The following SNX33 variants were observed in gnomAD, a reference collection of about 807,000 sequenced individuals.
SNX33 encodes the protein sorting nexin 33.
SNX33 carries 19 observed loss-of-function variants against 38.8 expected under a neutral mutation model. The ratio of observed to expected loss-of-function variants is 0.49; its 90% CI spans 0.34 to 0.72. SNX33 has a LOEUF of 0.72. SNX33 is among the 30% of genes least tolerant of loss of function. SNX33 has a pLI of 0.01. For missense variants in SNX33, 641 were observed against 776.4 expected, an observed-to-expected ratio of 0.83 and a Z score of 2.07; for synonymous variants, 246 against 289.7, an observed-to-expected ratio of 0.85 and a Z score of 1.53.
Position 75,649,493 on chromosome 15 carries a change from C to T in SNX33, c.391C>T (p.Arg131Trp), listed in dbSNP as rs779081434. 1.4e-5 allele frequency: 21 copies of T among 1,555,240 alleles called. No individual in the cohort carries two copies. Among genetic ancestry groups the T allele is most frequent in the African/African-American group, 2.7e-5 (2 of 73,568 alleles). The change falls in exon 1 of 2, where the codon CGG becomes TGG. Residue 131 changes from arginine to tryptophan, a missense_variant. Coordinates refer to ENST00000308527, the MANE Select transcript of SNX33 (RefSeq NM_153271.2). The surrounding 1 kb of genome is among the most constrained non-coding windows in gnomAD (Gnocchi z 6.6). ...CGGATGCACAGTGGTGGAGGAGCCA[C>T]GGGCTGGTGGGCTGGGCACCAACGG... ...DDGCTVVEEP[R>W]AGGLGTNGHP...
rs1893713573 is a variant in SNX33, at chr15:75,660,700, A to G, written c.*3485A>G. The G allele has an allele frequency of 6.6e-6, 1 of 152,574 alleles. No individual in the cohort carries two copies. The allele number at this position is 152,574 out of a possible 1,614,324, so 9.5% of individuals were successfully genotyped here. ...TGGTCATAGCCTCACACAGTGACAC[A>G]TACTCGGGCACACACCGCCACAAAG... On this transcript the variant is annotated 3_prime_UTR_variant, in exon 2 of 2. Coordinates refer to ENST00000308527, the MANE Select transcript of SNX33 (RefSeq NM_153271.2).
At position 75,649,905 on chromosome 15, in the gene SNX33, A is replaced by G. The variant is rs1893554587; in HGVS notation, c.803A>G (p.Lys268Arg). 1 of 1,571,540 alleles carries G rather than the reference A, an allele frequency of 6.4e-7. No homozygotes were observed. Among genetic ancestry groups the G allele is most frequent in the African/African-American group, 1.4e-5 (1 of 73,066 alleles). The change falls in exon 1 of 2, where the codon AAA (lysine) becomes AGA (arginine). Residue 268 changes from lysine to arginine, a missense_variant. Transcript: ENST00000308527. This position sits in a 1 kb window ranked among gnomAD's most constrained non-coding sequence, Gnocchi z 6.6. ...GCCTCACCCGTCTACCGGCGCTACA[A>G]ACACTTTGACTGGCTCTATAACCGC... ...HAASPVYRRY[K>R]HFDWLYNRLL...
intron 1 of SNX33, among the ~76,000 whole-genome samples, chr15:75,652,006 G>GTTTT (rs10706187): frequency 1.5e-3 from 204 of 132,848 alleles, no homozygotes; most frequent in African/African-American, 5.9e-3. Flanking sequence ...CTTTCTTTCT[G>GTTTT]TTTTTTTTTT....
rs201961630 is a variant in SNX33, at chr15:75,649,503, G to C, written c.401G>C (p.Gly134Ala). Residue 134 changes from glycine (G) to alanine (A), a missense_variant, in exon 1 of 2, where the codon GGG becomes GCG. By Grantham distance (60) the Gly-to-Ala change is moderately conservative (BLOSUM62 0). Coordinates refer to ENST00000308527, the MANE Select transcript of SNX33 (RefSeq NM_153271.2). The surrounding 1 kb of genome is among the most constrained non-coding windows in gnomAD (Gnocchi z 6.6). The part of the protein sequence containing the change: ...CTVVEEPRAG[G>A]LGTNGHPPLN... Reference sequence around the variant, plus strand: ...GTGGTGGAGGAGCCACGGGCTGGTGGGCTGGGCACCAACGGGCACCCTCCC... The same window carrying C: ...GTGGTGGAGGAGCCACGGGCTGGTGCGCTGGGCACCAACGGGCACCCTCCC... 1.6e-4 allele frequency: 256 copies of C among 1,564,722 alleles called. No individual in the cohort carries two copies. The Middle Eastern group carries it at 1.9e-3, about 12-fold the overall frequency.
chr15:75,648,458 C>G lies in SNX33; in HGVS notation c.-645C>G. 1 of 985,398 alleles carries G rather than the reference C, an allele frequency of 1.0e-6. No homozygotes were observed. The allele number at this position is 985,398 out of a possible 1,614,324, so 61.0% of individuals were successfully genotyped here. A position where few individuals can be genotyped will look rare whatever the true frequency, so the allele number is the denominator to read the frequency against. Reference sequence around the variant, plus strand: ...TTCCCGGCCTGGCTCGTTGTGAAGCCGGACACATCCACCCTTGGACTCGAT... The same window carrying G: ...TTCCCGGCCTGGCTCGTTGTGAAGCGGGACACATCCACCCTTGGACTCGAT... On this transcript the variant is annotated 5_prime_UTR_variant, in exon 1 of 2. Coordinates refer to ENST00000308527, the MANE Select transcript of SNX33 (RefSeq NM_153271.2). This position sits in a 1 kb window ranked among gnomAD's most constrained non-coding sequence, Gnocchi z 4.4.
intron 1 of SNX33, among the ~76,000 whole-genome samples, chr15:75,651,366 T>C (rs1893577891): frequency 6.6e-6 from 1 of 152,174 alleles, no homozygotes; most frequent in Non-Finnish European, 1.5e-5. Flanking sequence ...CCCTTCCTCC[T>C]GCCACCTCCC....
chr15:75,650,718 G>A lies in SNX33; in HGVS notation c.1471+145G>A. The A allele has an allele frequency of 8.5e-7, 1 of 1,176,058 alleles. No individual in the cohort carries two copies. Among genetic ancestry groups the A allele is most frequent in the Non-Finnish European group, 1.1e-6 (1 of 874,170 alleles). 72.9% of individuals were successfully genotyped at this position (1,176,058 alleles called of 1,614,324 possible). ...TCATTTAACAAATGTGTTGGGCTGG[G>A]CACGGTGGCTTACGCTTGTAATCTC... On this transcript the variant is annotated intron_variant, in intron 1 of 1. Coordinates refer to ENST00000308527, the MANE Select transcript of SNX33 (RefSeq NM_153271.2). This position sits in a 1 kb window ranked among gnomAD's most constrained non-coding sequence, Gnocchi z 6.1.
At chr15:75,652,508 G>C (rs1893598142) in intron 1 of SNX33, among the ~76,000 whole-genome samples, 1 of 152,188 alleles carries the variant, frequency 6.6e-6, no homozygotes, top group Non-Finnish European at 1.5e-5. Context: ...CCCACACCTA[G>C]GAAGGACACC....
chr15:75,656,361 A>G (rs1893652042), intron 1 of SNX33, among the ~76,000 whole-genome samples: 1 of 152,184 alleles, frequency 6.6e-6, no homozygotes, highest in South Asian at 2.1e-4. Context: ...TTTGACGAAC[A>G]TGGGGGTCAG....
intron 1 of SNX33, among the ~76,000 whole-genome samples, chr15:75,651,409 C>G (rs1313267458): frequency 6.6e-6 from 1 of 152,206 alleles, no homozygotes; most frequent in African/African-American, 2.4e-5. Context: ...ACTTCCCAAG[C>G]CTAGCCATGT....
In SNX33 at chr15:75,649,073, T is replaced by G; in HGVS notation, c.-30T>G. 6.5e-7 allele frequency: 1 copy of G among 1,550,332 alleles called. No individual in the cohort carries two copies. The highest frequency in any genetic ancestry group is 1.9e-5 in the Admixed American group (1 of 52,074). ...CCCGGTCTGGGCAGGACCCTCTCCT[T>G]CCCATCTTTCTATACCACCCAGCCC... On this transcript the variant is annotated 5_prime_UTR_variant, in exon 1 of 2. Transcript: ENST00000308527. This position sits in a 1 kb window ranked among gnomAD's most constrained non-coding sequence, Gnocchi z 6.6.
In SNX33 at chr15:75,650,550, C is replaced by T. The variant is rs1475545470; in HGVS notation, c.1448C>T (p.Pro483Leu). Reference sequence around the variant, plus strand: ...TACCAGGGCCTGCTCTCCAACTTCCCTGACATCATCCATCTACAAAAAGGT... The same window carrying T: ...TACCAGGGCCTGCTCTCCAACTTCCTTGACATCATCCATCTACAAAAAGGT... ...SLYQGLLSNF[P>L]DIIHLQKGAF... Residue 483 changes from proline (P) to leucine (L), a missense_variant, in exon 1 of 2, where the codon CCT becomes CTT. By Grantham distance (98) the Pro-to-Leu change is moderately conservative. Coordinates refer to ENST00000308527, the MANE Select transcript of SNX33 (RefSeq NM_153271.2). This position sits in a 1 kb window ranked among gnomAD's most constrained non-coding sequence, Gnocchi z 6.1. 6.2e-7 allele frequency: 1 copy of T among 1,601,206 alleles called. No homozygotes were observed. The highest frequency in any genetic ancestry group is 2.2e-5 in the East Asian group (1 of 44,798).
chr15:75,655,125 C>T (rs1485564390), intron 1 of SNX33, among the ~76,000 whole-genome samples: 1 of 152,388 alleles, frequency 6.6e-6, no homozygotes, highest in Non-Finnish European at 1.5e-5. Context: ...GGGCCCCACA[C>T]ATATGCCTGA....
chr15:75,657,460 C>T lies in SNX33; in HGVS notation c.*245C>T. On this transcript the variant is annotated 3_prime_UTR_variant, in exon 2 of 2. Transcript: ENST00000308527. The surrounding 1 kb of genome is among the most constrained non-coding windows in gnomAD (Gnocchi z 5.5). ...GAGTCAGGAGCCCTCGAGGCCAAGG[C>T]CTGGGCTGCCGGTCAGTCAGTGAAG... The T allele has an allele frequency of 3.2e-6, 2 of 624,156 alleles. No homozygotes were observed. The highest frequency in any genetic ancestry group is 5.4e-6 in the Non-Finnish European group (2 of 368,316). The allele number at this position is 624,156 out of a possible 1,614,324, so 38.7% of individuals were successfully genotyped here.
intron 1 of SNX33, among the ~76,000 whole-genome samples, chr15:75,654,689 G>A (rs1893631122): frequency 6.6e-6 from 1 of 152,202 alleles, no homozygotes. Context: ...CTGTGGGGTG[G>A]GGTGCATTAG....
At position 75,662,084 on chromosome 15, in the gene SNX33, G is replaced by A. The variant is rs570635711; in HGVS notation, c.*4869G>A. 5 of 152,268 alleles carry A rather than the reference G, an allele frequency of 3.3e-5. No individual in the cohort carries two copies. Among genetic ancestry groups the A allele is most frequent in the African/African-American group, 9.6e-5 (4 of 41,522 alleles). 9.4% of individuals were successfully genotyped at this position (152,268 alleles called of 1,614,324 possible). On this transcript the variant is annotated 3_prime_UTR_variant, in exon 2 of 2. Coordinates refer to ENST00000308527, the MANE Select transcript of SNX33 (RefSeq NM_153271.2). ...CCCCCATTCCCCACATGGTAGAAGT[G>A]TAATCTCACATCAATTTGGGGACCC...
Position 75,661,839 on chromosome 15 carries a change from C to T in SNX33, c.*4624C>T, listed in dbSNP as rs935808683. 4 of 152,164 alleles carry T rather than the reference C, an allele frequency of 2.6e-5. No individual in the cohort carries two copies. The highest frequency in any genetic ancestry group is 4.4e-5 in the Non-Finnish European group (3 of 68,056). The allele number at this position is 152,164 out of a possible 1,614,324, so 9.4% of individuals were successfully genotyped here. ...AGGAAGAAGGGGAGGCAGATTTCCC[C>T]TCTAGATGAGTGAAGGGATAGGAGG... On this transcript the variant is annotated 3_prime_UTR_variant, in exon 2 of 2. Transcript: ENST00000308527. The surrounding 1 kb of genome is among the most constrained non-coding windows in gnomAD (Gnocchi z 4.5).
At position 75,649,648 on chromosome 15, in the gene SNX33, C is replaced by T; in HGVS notation, c.546C>T (p.Asn182=). The change falls in exon 1 of 2, where the codon AAC becomes AAT. Residue 182 remains asparagine (N), a synonymous_variant. Transcript: ENST00000308527. This position sits in a 1 kb window ranked among gnomAD's most constrained non-coding sequence, Gnocchi z 6.6. ...AGCGAGGCAGTGTGGTGGGCCGTAA[C>T]CTCAACCGTTTCTCATGCTTTGTGC... The part of the protein sequence containing the change: ...SAKRGSVVGR[N]LNRFSCFVRS... The T allele has an allele frequency of 6.2e-7, 1 of 1,604,664 alleles. No homozygotes were observed. The highest frequency in any genetic ancestry group is 8.5e-7 in the Non-Finnish European group (1 of 1,175,060).
chr15:75,655,370 T>A (rs28454134), intron 1 of SNX33, among the ~76,000 whole-genome samples: 4 of 152,192 alleles, frequency 2.6e-5, no homozygotes, highest in Non-Finnish European at 5.9e-5. Flanking sequence ...TGATCCCCCT[T>A]CTGCTGCCCA....
Sources: gnomAD v4.1 joint callset for allele counts (sites outside exome capture counted in the v4.1 genomes callset) on GRCh38, gnomAD v4.1.1 for gene constraint, Gnocchi (gnomAD v3.1) non-coding constraint, MANE v1.5 for transcripts, NCBI Gene and HGNC (gene_info 2026-07-23, HGNC 2026-07-21) for gene names.